TMEM63A: variants seen among roughly 807,000 people sequenced by gnomAD.
TMEM63A encodes the protein mechanosensitive cation channel TMEM63A.
In TMEM63A, 76 loss-of-function variants were observed where a neutral mutation model predicts 100.6. The observed-to-expected ratio is 0.76, with a 90% CI of 0.63 to 0.91. TMEM63A has a LOEUF of 0.91. TMEM63A is among the 40% of genes least tolerant of loss of function. The pLI, the probability that TMEM63A is intolerant of heterozygous loss-of-function variation, is 0.00. For missense variants in TMEM63A, 876 were observed against 1,008.8 expected (o/e 0.87, Z 1.78); for synonymous variants, 401 against 401.1 (o/e 1.00, Z 0.00).
In TMEM63A at chr1:225,853,701, C is replaced by G; in HGVS notation, c.1725G>C (p.Leu575=). ...FIGNGMELLR[L]PGLILYTFRM... ...GGAAGGTATAGAGGATGAGACCTGG[C>G]AGCCGCAGCAGCTCCATGCCATTGC... Residue 575 remains leucine (L), a synonymous_variant, in exon 19 of 25, where the codon CTG becomes CTC. Coordinates refer to ENST00000366835, the MANE Select transcript of TMEM63A (RefSeq NM_014698.3). The surrounding 1 kb of genome is among the most constrained non-coding windows in gnomAD (Gnocchi z 4.0). 6.3e-7 allele frequency: 1 copy of G among 1,591,724 alleles called. No individual in the cohort carries two copies. The highest frequency in any genetic ancestry group is 1.1e-5 in the South Asian group (1 of 87,570).
In TMEM63A at chr1:225,862,120, T is replaced by C; in HGVS notation, c.1085+98A>G. 1 of 1,519,284 alleles carries C rather than the reference T, an allele frequency of 6.6e-7. No homozygotes were observed. Among genetic ancestry groups the C allele is most frequent in the South Asian group, 1.2e-5 (1 of 80,648 alleles). The allele number at this position is 1,519,284 out of a possible 1,614,324, so 94.1% of individuals were successfully genotyped here. On this transcript the variant is annotated intron_variant, in intron 13 of 24. Coordinates refer to ENST00000366835, the MANE Select transcript of TMEM63A (RefSeq NM_014698.3). This position sits in a 1 kb window ranked among gnomAD's most constrained non-coding sequence, Gnocchi z 5.1. ...CACCACAGATAAATCCCAGGGATGGTGGGTCAGCAGTACCATCTCCACTCG... is the reference window on the plus strand; with the variant it reads ...CACCACAGATAAATCCCAGGGATGGCGGGTCAGCAGTACCATCTCCACTCG...
chr1:225,843,128 A>G (rs759105177), downstream of TMEM63A, among the ~76,000 whole-genome samples: 1 of 152,224 alleles, frequency 6.6e-6, no homozygotes, highest in Non-Finnish European at 1.5e-5. Context: ...CACCTAGAAC[A>G]ATGCCGGGTG....
intron 4 of TMEM63A, 152 bp downstream of exon 4, chr1:225,874,136 G>C: frequency 1.5e-6 from 1 of 666,426 alleles, no homozygotes. Flanking sequence ...TGCCCACATG[G>C]AGGGCTTCAT....
chr1:225,872,987 C>A (rs1670596013), intron 4 of TMEM63A, among the ~76,000 whole-genome samples: 1 of 152,198 alleles, frequency 6.6e-6, no homozygotes, highest in African/African-American at 2.4e-5. Flanking sequence ...AGCCAACATG[C>A]CTGGCTGTGA....
chr1:225,877,941 G>C (rs1473126923), intron 2 of TMEM63A, among the ~76,000 whole-genome samples: 2 of 152,214 alleles, frequency 1.3e-5, no homozygotes, highest in Non-Finnish European at 2.9e-5. Context: ...TAGCCTCGAG[G>C]ACTCGTGTTG....
Position 225,865,929 on chromosome 1 carries a change from A to G in TMEM63A, c.714T>C (p.Asp238=), listed in dbSNP as rs1051658570. The G allele has an allele frequency of 1.9e-6, 3 of 1,613,842 alleles. No individual in the cohort carries two copies. The highest frequency in any genetic ancestry group is 1.1e-5 in the South Asian group (1 of 91,068). Residue 238 remains aspartate, a synonymous_variant, in exon 10 of 25, where the codon GAT becomes GAC. Transcript: ENST00000366835. The surrounding 1 kb of genome is among the most constrained non-coding windows in gnomAD (Gnocchi z 4.6). ...GGCTCTCCACAGTCTCCTTCCTGGC[A>G]TCTCTGGGGAGTCCTGTGATGAACA... is the stretch of plus-strand genomic sequence containing the variant. ...RTLFITGLPR[D]ARKETVESHF...
intron 4 of TMEM63A, among the ~76,000 whole-genome samples, chr1:225,874,076 G>A (rs748284149): frequency 6.6e-6 from 1 of 152,176 alleles, no homozygotes; most frequent in Non-Finnish European, 1.5e-5. Context: ...TACAGGCCAG[G>A]TAGATACACT....
At position 225,877,488 on chromosome 1, in the gene TMEM63A, A is replaced by T; in HGVS notation, c.93T>A (p.Tyr31Ter). The T allele has an allele frequency of 6.2e-7, 1 of 1,614,168 alleles. No homozygotes were observed. The highest frequency in any genetic ancestry group is 8.5e-7 in the Non-Finnish European group (1 of 1,180,022). Reference sequence around the variant, plus strand: ...TGCTGTTTTTGGCCGAGTTGTAGCAATAGGAGTCGTTGGGCCGGTCCCCGA... The same window carrying T: ...TGCTGTTTTTGGCCGAGTTGTAGCATTAGGAGTCGTTGGGCCGGTCCCCGA... ...LGLGDRPNDS[Y>*]CYNSAKNSTV... Residue 31 changes from tyrosine (Y) to a stop codon, truncating the protein, a stop_gained, in exon 3 of 25, where the codon TAT becomes TAA. Transcript: ENST00000366835. LOFTEE classifies it high-confidence loss of function.
intron 3 of TMEM63A, among the ~76,000 whole-genome samples, chr1:225,877,144 A>T (rs913075010): frequency 2.0e-5 from 3 of 152,182 alleles, no homozygotes; most frequent in African/African-American, 7.2e-5. Flanking sequence ...AGGCATAGCT[A>T]TATGAGTATT....
chr1:225,848,577 G>A, intron 22 of TMEM63A, 23 bp from the exon 23 acceptor site: 1 of 1,613,554 alleles, frequency 6.2e-7, no homozygotes, highest in Non-Finnish European at 8.5e-7. Flanking sequence ...GCAAAAACTT[G>A]CGATGATAAA....
In TMEM63A at chr1:225,875,039, T is replaced by C. The variant is rs149818426; in HGVS notation, c.187-672A>G. On this transcript the variant is annotated intron_variant, in intron 3 of 24. Transcript: ENST00000366835. The stretch of plus-strand genomic sequence containing the variant: ...GTGAGCCACCATGCTGGCCAGAAAA[T>C]TTCATTTTAAATTACAGAACCAAGG... Among the ~76,000 whole-genome samples the C allele has an allele frequency of 9.5e-3, 1,439 of 152,122 alleles. 24 individuals are homozygous for C. The highest frequency in any genetic ancestry group is 0.032 in the African/African-American group (1,322 of 41,496).
chr1:225,851,214 A>C (rs1034534863), intron 20 of TMEM63A, among the ~76,000 whole-genome samples: 9 of 151,854 alleles, frequency 5.9e-5, no homozygotes, highest in African/African-American at 2.2e-4. Flanking sequence ...GTGCTCCCAC[A>C]CCCCTGGCCT....
intron 14 of TMEM63A, chr1:225,859,829 TAG>T (rs1360231989): frequency 1.2e-5 from 2 of 163,156 alleles, no homozygotes; most frequent in Admixed American, 1.1e-4. Context: ...GTATTTTTAG[TAG>T]AGACAGGGTT....
intron 9 of TMEM63A, chr1:225,866,298 C>A: frequency 1.9e-6 from 1 of 520,500 alleles, no homozygotes; most frequent in Non-Finnish European, 3.5e-6. Context: ...AGCTCCCCTC[C>A]CCTGTGAAGC....
rs1344210262 is a variant in TMEM63A at position 225,874,343 on chromosome 1, T to C, written c.211A>G (p.Ile71Val). ...CCATAGTCCCAGAATCTTCTTCTTA[T>C]AATAGAAAACACCAAGATTAAGAAC... The part of the protein sequence containing the change: ...FLFLILVFSI[I>V]RRRFWDYGRI... The change falls in exon 4 of 25, where the codon ATA becomes GTA. Residue 71 changes from isoleucine (I) to valine (V), a missense_variant. Around this residue, in one of 5 missense-constraint regions of TMEM63A, gnomAD observed 487 missense variants for 581.9 expected, o/e 0.84. Coordinates refer to ENST00000366835, the MANE Select transcript of TMEM63A (RefSeq NM_014698.3). 46 of 1,613,788 alleles carry C rather than the reference T, an allele frequency of 2.9e-5. No homozygotes were observed. Among genetic ancestry groups the C allele is most frequent in the Non-Finnish European group, 2.5e-5 (29 of 1,179,966 alleles).
At position 225,848,570 on chromosome 1, in the gene TMEM63A, A is replaced by G. The variant is rs1434100590; in HGVS notation, c.2188-16T>C. ...GCTCTTCTGTCTGCAGATAACAGCAAAAACTTGCGATGATAAACAAAACTG... is the reference window on the plus strand; with the variant it reads ...GCTCTTCTGTCTGCAGATAACAGCAGAAACTTGCGATGATAAACAAAACTG... On this transcript the variant is annotated splice_polypyrimidine_tract_variant and intron_variant, in intron 22 of 24. Transcript: ENST00000366835. The G allele has an allele frequency of 3.1e-6, 5 of 1,613,892 alleles. No individual in the cohort carries two copies. Among genetic ancestry groups the G allele is most frequent in the East Asian group, 2.2e-5 (1 of 44,880 alleles).
At chr1:225,856,838 T>C in intron 16 of TMEM63A, 73 bp downstream of exon 16, 1 of 1,578,998 alleles carries the variant, frequency 6.3e-7, no homozygotes, top group Non-Finnish European at 8.6e-7. Flanking sequence ...AGCTGGGGGG[T>C]TAGGGTGTGG....
At chr1:225,857,395 G>GC (rs1669691739) in intron 15 of TMEM63A, among the ~76,000 whole-genome samples, 3 of 124,370 alleles carry the variant, frequency 2.4e-5, no homozygotes, top group African/African-American at 7.3e-5. Flanking sequence ...GGGGGGGGGG[G>GC]GGTGCCCTGC....
chr1:225,857,381 G>GT (rs769598354), intron 15 of TMEM63A, among the ~76,000 whole-genome samples: 43 of 1,264 alleles, frequency 0.034, 5 homozygotes, highest in East Asian at 0.19. Context: ...CTGGCCGGCG[G>GT]GGCGGGGGGG....
Sources: allele counts gnomAD v4.1 joint callset (sites outside exome capture counted in the v4.1 genomes callset), GRCh38; gene constraint gnomAD v4.1.1; regional missense constraint gnomAD v4.1.1; non-coding constraint Gnocchi (gnomAD v3.1); transcripts MANE v1.5; gene names NCBI Gene and HGNC (gene_info 2026-07-23, HGNC 2026-07-21).